Variants in CAMK2G observed in about 807,000 individuals in gnomAD.
The protein encoded by CAMK2G is calcium/calmodulin-dependent protein kinase type II subunit gamma.
Under a neutral mutation model 88.7 loss-of-function variants are expected in CAMK2G, and 23 were observed. The observed-to-expected ratio is 0.26, with a 90% confidence interval of 0.19 to 0.37. The LOEUF (loss-of-function observed/expected upper bound fraction) is 0.37. Among genes scored for constraint, CAMK2G ranks in the 10% least tolerant of loss-of-function variants. CAMK2G has a pLI of 1.00. For missense variants in CAMK2G, 476 were observed against 780.8 expected (o/e 0.61, Z 4.65); for synonymous variants, 263 against 294.8 (o/e 0.89, Z 1.11).
rs1430436327 is a variant in CAMK2G at position 73,813,708 on chromosome 10, G to A, written c.*810C>T. On this transcript the variant is annotated 3_prime_UTR_variant, in exon 23 of 23. Transcript: ENST00000423381. ...ACAACCCCTCCCCCTCCTAGCTGCA[G>A]GGATAAGGCCTCAATATTAGGGCCC... 6.5e-6 allele frequency: 1 copy of A among 152,858 alleles called. No homozygotes were observed. Among genetic ancestry groups the A allele is most frequent in the Admixed American group, 6.5e-5 (1 of 15,282 alleles). 9.5% of individuals were successfully genotyped at this position (152,858 alleles called of 1,614,324 possible).
At chr10:73,853,558 A>T (rs1413571084) in intron 3 of CAMK2G, among the ~76,000 whole-genome samples, 1 of 152,194 alleles carries the variant, frequency 6.6e-6, no homozygotes. Flanking sequence ...GTCCTGGGAT[A>T]TGATGCACGA....
At chr10:73,843,704 G>A (rs939532278) in intron 10 of CAMK2G, among the ~76,000 whole-genome samples, 1 of 151,662 alleles carries the variant, frequency 6.6e-6, no homozygotes, top group Admixed American at 6.6e-5. Flanking sequence ...AACACTACGG[G>A]GCCTCCTCGC....
chr10:73,816,909 C>T (rs1481473916), intron 21 of CAMK2G, 114 bp downstream of exon 21: 2 of 1,610,204 alleles, frequency 1.2e-6, no homozygotes, highest in Non-Finnish European at 1.7e-6. Context: ...AGGAGTGCAG[C>T]ACGAAGGTCA....
chr10:73,861,651 T>C (rs2095382650), intron 2 of CAMK2G, among the ~76,000 whole-genome samples: 1 of 152,176 alleles, frequency 6.6e-6, no homozygotes, highest in South Asian at 2.1e-4. Context: ...CCACCGCGCC[T>C]GGCCCAGAAT....
At chr10:73,874,347 T>A (rs759672558) in intron 1 of CAMK2G, 50 bp downstream of exon 1, 5 of 1,309,254 alleles carry the variant, frequency 3.8e-6, no homozygotes, top group South Asian at 1.6e-5. Context: ...AGAAGCCGCA[T>A]AGCTCCCGGG....
intron 14 of CAMK2G, among the ~76,000 whole-genome samples, chr10:73,834,524 G>A (rs945922565): frequency 2.0e-5 from 3 of 152,338 alleles, no homozygotes; most frequent in Admixed American, 2.0e-4. Flanking sequence ...GTTCCTGGAA[G>A]AGCTGCAGCT....
At chr10:73,861,647 C>T (rs772796598) in intron 2 of CAMK2G, among the ~76,000 whole-genome samples, 1 of 152,160 alleles carries the variant, frequency 6.6e-6, no homozygotes, top group African/African-American at 2.4e-5. Flanking sequence ...TGAGCCACCG[C>T]GCCTGGCCCA....
chr10:73,857,902 T>C (rs918280182), intron 3 of CAMK2G, among the ~76,000 whole-genome samples: 1 of 152,236 alleles, frequency 6.6e-6, no homozygotes, highest in African/African-American at 2.4e-5. Flanking sequence ...TTCAGAGCAG[T>C]TTTAGGTTCA....
chr10:73,819,353 G>A (rs1302400719), intron 19 of CAMK2G, among the ~76,000 whole-genome samples, 179 bp downstream of exon 19: 1 of 151,996 alleles, frequency 6.6e-6, no homozygotes, highest in African/African-American at 2.4e-5. Context: ...CAGACTCAGG[G>A]GCCCCTGCCT....
intron 10 of CAMK2G, chr10:73,846,288 C>T (rs1473457505): frequency 6.6e-6 from 1 of 152,194 alleles, no homozygotes; most frequent in Non-Finnish European, 1.5e-5. Flanking sequence ...TCCTTCAACT[C>T]ACCATAGTTT....
In CAMK2G at chr10:73,817,125, G is replaced by GA; in HGVS notation, c.1440-9dup. On this transcript the variant is annotated splice_polypyrimidine_tract_variant and intron_variant, in intron 20 of 22. Transcript: ENST00000423381. ...CCTGGATCACAAATCTTCCTACAGG[G>GA]AGAAAAAAAAAAGCAGCCTATCAGG... 6.3e-7 allele frequency: 1 copy of GA among 1,583,968 alleles called. No homozygotes were observed.
At chr10:73,826,314 T>C (rs1162051379) in intron 15 of CAMK2G, among the ~76,000 whole-genome samples, 1 of 152,080 alleles carries the variant, frequency 6.6e-6, no homozygotes, top group African/African-American at 2.4e-5. Context: ...ATGCCTGTAA[T>C]CCCAGCTACT....
chr10:73,842,582 C>T lies in CAMK2G; in HGVS notation c.820-41G>A. 7.1e-7 allele frequency: 1 copy of T among 1,405,604 alleles called. No individual in the cohort carries two copies. Among genetic ancestry groups the T allele is most frequent in the Non-Finnish European group, 1.0e-6 (1 of 990,952 alleles). 87.1% of individuals were successfully genotyped at this position (1,405,604 alleles called of 1,614,324 possible). A position where few individuals can be genotyped will look rare whatever the true frequency, so the allele number is the denominator to read the frequency against. Reference sequence around the variant, plus strand: ...ACAGGCTATGAGCCCCAGCCCAGATCCTCTGCGCCTCCCACAGTCCTGGCA... The same window carrying T: ...ACAGGCTATGAGCCCCAGCCCAGATTCTCTGCGCCTCCCACAGTCCTGGCA... On this transcript the variant is annotated intron_variant, in intron 10 of 22. Coordinates refer to ENST00000423381, the MANE Select transcript of CAMK2G (RefSeq NM_001367534.1). This position sits in a 1 kb window ranked among gnomAD's most constrained non-coding sequence, Gnocchi z 4.6.
At chr10:73,852,044 G>A (rs2094666543) in intron 5 of CAMK2G, among the ~76,000 whole-genome samples, 1 of 152,188 alleles carries the variant, frequency 6.6e-6, no homozygotes, top group Non-Finnish European at 1.5e-5. Flanking sequence ...ACTGCGCCTG[G>A]TTAGGAAGTG....
chr10:73,860,742 G>A, intron 3 of CAMK2G, 88 bp downstream of exon 3: 1 of 946,024 alleles, frequency 1.1e-6, no homozygotes. Flanking sequence ...TCCACAGACA[G>A]AGGTGATCCC....
At chr10:73,852,673 C>T (rs2094718212) in intron 4 of CAMK2G, 1 of 304,340 alleles carries the variant, frequency 3.3e-6, no homozygotes, top group Admixed American at 4.7e-5. Flanking sequence ...CCAGGAAGGA[C>T]AGAGCTACTA....
intron 2 of CAMK2G, among the ~76,000 whole-genome samples, chr10:73,868,792 C>T (rs112436370): frequency 6.6e-6 from 1 of 152,154 alleles, no homozygotes; most frequent in Non-Finnish European, 1.5e-5. Context: ...CAGGCCAACA[C>T]TAAGGGGGCG....
At chr10:73,870,093 T>C (rs536946283) in intron 2 of CAMK2G, among the ~76,000 whole-genome samples, 6 of 152,300 alleles carry the variant, frequency 3.9e-5, no homozygotes, top group South Asian at 2.1e-4. Context: ...AAGAAGGGAA[T>C]ATGAAGATTT....
chr10:73,817,386 C>G (rs898819133), intron 20 of CAMK2G, 93 bp downstream of exon 20: 1 of 989,282 alleles, frequency 1.0e-6, no homozygotes, highest in East Asian at 2.4e-5. Context: ...CAAGGTCCAA[C>G]CTCCCTTTCC....
Sources: allele counts gnomAD v4.1 joint callset (sites outside exome capture counted in the v4.1 genomes callset), GRCh38; gene constraint gnomAD v4.1.1; non-coding constraint Gnocchi (gnomAD v3.1); transcripts MANE v1.5; gene names NCBI Gene and HGNC (gene_info 2026-07-23, HGNC 2026-07-21).